Variants in CACNA1C observed in about 807,000 individuals in gnomAD.
CACNA1C encodes calcium voltage-gated channel subunit alpha1 C, also known as voltage-dependent L-type calcium channel subunit alpha-1C.
Under a neutral mutation model 229.0 loss-of-function variants are expected in CACNA1C, and 30 were observed. That is an observed-to-expected ratio of 0.13 (90% CI 0.10 to 0.18). CACNA1C has a LOEUF of 0.18. Ranked by LOEUF, CACNA1C falls within the 10% of genes least tolerant of loss-of-function variation. The pLI is 1.00. For synonymous variants in CACNA1C, 1,114 were observed against 1,132.5 expected, an observed-to-expected ratio of 0.98 and a Z score of 0.33; for missense variants, 1,658 against 2,845.0, an observed-to-expected ratio of 0.58 and a Z score of 9.49.
intron 3 of CACNA1C, among the ~76,000 whole-genome samples, chr12:2,366,795 G>T (rs1390483807): frequency 6.6e-6 from 1 of 152,210 alleles, no homozygotes; most frequent in Non-Finnish European, 1.5e-5. Flanking sequence ...GGCTGTACAG[G>T]AAGCATGGCC....
rs755028000 is a variant in CACNA1C, at chr12:2,115,281, C to T, written c.107C>T (p.Ala36Val). 1.9e-5 allele frequency: 30 copies of T among 1,589,114 alleles called. No homozygotes were observed. Among genetic ancestry groups the T allele is most frequent in the Non-Finnish European group, 2.4e-5 (28 of 1,168,138 alleles). Residue 36 changes from alanine (A) to valine (V), a missense_variant, in exon 2 of 47, where the codon GCG (alanine) becomes GTG (valine). Ala to Val is a moderately conservative substitution (Grantham distance 64). Around this residue, in one of 20 missense-constraint regions of CACNA1C, gnomAD observed 111 missense variants for 128.0 expected, o/e 0.87. Transcript: ENST00000399655. The part of the protein sequence containing the change: ...AHANMNANAA[A>V]GLAPEHIPTP... ...GCCAACATGAATGCCAATGCGGCAG[C>T]GGGGCTGGCCCCTGAGCACATCCCC...
At chr12:2,395,113 A>G (rs2098547936) in intron 3 of CACNA1C, among the ~76,000 whole-genome samples, 1 of 151,794 alleles carries the variant, frequency 6.6e-6, no homozygotes, top group Admixed American at 6.6e-5. Flanking sequence ...TCGACCTCCC[A>G]GGCTCAAATG....
Position 2,354,573 on chromosome 12 carries a change from C to T in CACNA1C, c.478-94403C>T, listed in dbSNP as rs1292636868. 6.6e-6 allele frequency among the ~76,000 whole-genome samples: 1 copy of T among 152,172 alleles called. No individual in the cohort carries two copies. Among genetic ancestry groups the T allele is most frequent in the East Asian group, 1.9e-4 (1 of 5,182 alleles). ...AATGCCTTTCCGCATGCATGCTCTC[C>T]TAGCTATGCTTGTAAGAAGTGCGTG... is the stretch of plus-strand genomic sequence containing the variant. On this transcript the variant is annotated intron_variant, in intron 3 of 46. Coordinates refer to ENST00000399655, the MANE Select transcript of CACNA1C (RefSeq NM_000719.7). This position sits in a 1 kb window ranked among gnomAD's most constrained non-coding sequence, Gnocchi z 4.6.
chr12:2,547,092 G>A (rs2099882704), intron 9 of CACNA1C, among the ~76,000 whole-genome samples: 1 of 152,172 alleles, frequency 6.6e-6, no homozygotes, highest in Admixed American at 6.5e-5. Flanking sequence ...TGCAAAGGGC[G>A]ACAGCTCCCT....
chr12:2,612,030 G>A lies in CACNA1C; in HGVS notation c.3828+17G>A, dbSNP rs996851668. The A allele has an allele frequency of 4.2e-6, 6 of 1,438,730 alleles. No individual in the cohort carries two copies. Among genetic ancestry groups the A allele is most frequent in the Non-Finnish European group, 5.9e-6 (6 of 1,020,562 alleles). The allele number at this position is 1,438,730 out of a possible 1,614,324, so 89.1% of individuals were successfully genotyped here. On this transcript the variant is annotated intron_variant, in intron 29 of 46. Transcript: ENST00000399655. ...AAACCCAAGGTAGGCCTCTGAGAAA[G>A]ACCTTTGATTCCCAGGCATCAGGGG...
chr12:2,440,528 A>G (rs557602745), intron 3 of CACNA1C, among the ~76,000 whole-genome samples: 2 of 152,192 alleles, frequency 1.3e-5, no homozygotes, highest in Non-Finnish European at 2.9e-5. Flanking sequence ...AATCTCAGGC[A>G]TAGGTGGAGA....
intron 6 of CACNA1C, among the ~76,000 whole-genome samples, chr12:2,492,775 ACT>A (rs1226875899): frequency 2.0e-5 from 3 of 152,062 alleles, no homozygotes; most frequent in African/African-American, 7.2e-5. Flanking sequence ...TGTCTATAGA[ACT>A]CTACCACCAG....
chr12:2,046,639 G>A (rs1028245511), intron 1 of CACNA1C, among the ~76,000 whole-genome samples: 1 of 152,118 alleles, frequency 6.6e-6, no homozygotes, highest in Non-Finnish European at 1.5e-5. Context: ...AAATCACAAG[G>A]CTAGTCATGT....
At position 2,348,435 on chromosome 12, in the gene CACNA1C, G is replaced by A. The variant is rs1455598036; in HGVS notation, c.478-100541G>A. Among the ~76,000 whole-genome samples the A allele has an allele frequency of 1.3e-5, 2 of 152,232 alleles. No individual in the cohort carries two copies. Among genetic ancestry groups the A allele is most frequent in the Non-Finnish European group, 2.9e-5 (2 of 68,042 alleles). ...CCAAACGTGGAGGTGATTGGCATAT[G>A]TAAGAACCCCCTTTCCCGTTGGCGT... On this transcript the variant is annotated intron_variant, in intron 3 of 46. Coordinates refer to ENST00000399655, the MANE Select transcript of CACNA1C (RefSeq NM_000719.7). This position sits in a 1 kb window ranked among gnomAD's most constrained non-coding sequence, Gnocchi z 4.7.
At chr12:2,440,436 G>A (rs1407554445) in intron 3 of CACNA1C, among the ~76,000 whole-genome samples, 2 of 152,198 alleles carry the variant, frequency 1.3e-5, no homozygotes, top group African/African-American at 4.8e-5. Flanking sequence ...GCTCGTCCAT[G>A]CTGTAGCATG....
At chr12:2,249,722 G>T (rs1371615229) in intron 3 of CACNA1C, among the ~76,000 whole-genome samples, 1 of 152,002 alleles carries the variant, frequency 6.6e-6, no homozygotes, top group Non-Finnish European at 1.5e-5. Flanking sequence ...CTAGTCTAGG[G>T]CTCACTCGGC....
intron 10 of CACNA1C, among the ~76,000 whole-genome samples, chr12:2,553,947 G>T (rs545644394): frequency 9.2e-5 from 14 of 152,326 alleles, no homozygotes; most frequent in Non-Finnish European, 2.1e-4. Flanking sequence ...GGGAGAGGAC[G>T]TCCTGGAGTT....
intron 8 of CACNA1C, among the ~76,000 whole-genome samples, chr12:2,511,571 T>TACAC (rs35169529): frequency 0.055 from 8,263 of 149,970 alleles, 222 homozygotes; most frequent in South Asian, 0.11. Context: ...CCTATGCATG[T>TACAC]ACACACACAC....
At chr12:2,476,759 C>G (rs538681414) in intron 5 of CACNA1C, among the ~76,000 whole-genome samples, 2 of 152,184 alleles carry the variant, frequency 1.3e-5, no homozygotes, top group African/African-American at 2.4e-5. Flanking sequence ...GACAAGAACC[C>G]TCCTTTAGTG....
In CACNA1C at chr12:2,053,204, C is replaced by T. The variant is rs549175992; in HGVS notation, c.-359C>T. The T allele has an allele frequency of 1.3e-3, 1,285 of 1,005,240 alleles. 39 individuals carry two copies. In the South Asian group the frequency reaches 0.048, roughly 37 times the overall value. The allele number at this position is 1,005,240 out of a possible 1,614,324, so 62.3% of individuals were successfully genotyped here. On this transcript the variant is annotated 5_prime_UTR_variant, in exon 1 of 47. Transcript: ENST00000399655. The surrounding 1 kb of genome is among the most constrained non-coding windows in gnomAD (Gnocchi z 5.8). ...TGCCGGCCCAGGCGGGCCCCGCGCG[C>T]CCCCCGCCCCTCCTCTCCGCCTCTT...
At chr12:2,315,454 T>C (rs1020980978) in intron 3 of CACNA1C, among the ~76,000 whole-genome samples, 4 of 152,240 alleles carry the variant, frequency 2.6e-5, no homozygotes, top group African/African-American at 7.2e-5. Context: ...TTTCCCCTTC[T>C]AGTCGCCACC....
chr12:2,475,403 A>G (rs753969749), intron 5 of CACNA1C, among the ~76,000 whole-genome samples: 6 of 152,270 alleles, frequency 3.9e-5, no homozygotes, highest in Non-Finnish European at 8.8e-5. Flanking sequence ...GAGAAACTAT[A>G]GACCATAGAA....
chr12:2,583,984 G>T (rs781541872), intron 15 of CACNA1C, among the ~76,000 whole-genome samples: 10 of 152,298 alleles, frequency 6.6e-5, no homozygotes, highest in Non-Finnish European at 1.3e-4. Context: ...GAGGAGAAAG[G>T]GCAAAGAACT....
intron 38 of CACNA1C, among the ~76,000 whole-genome samples, chr12:2,673,465 TAAAAAAA>T (rs527320564): frequency 1.6e-4 from 16 of 100,694 alleles, no homozygotes; most frequent in Non-Finnish European, 6.6e-5. Flanking sequence ...AACTTCCGTC[TAAAAAAA>T]AAAAAAAAAA....
Sources: gnomAD v4.1 joint callset for allele counts (sites outside exome capture counted in the v4.1 genomes callset) on GRCh38, gnomAD v4.1.1 for gene constraint, gnomAD v4.1.1 regional missense constraint, Gnocchi (gnomAD v3.1) non-coding constraint, MANE v1.5 for transcripts, NCBI Gene and HGNC (gene_info 2026-07-23, HGNC 2026-07-21) for gene names.